The following OR2C1 variants were observed in gnomAD, a reference collection of about 807,000 sequenced individuals.
OR2C1 encodes olfactory receptor family 2 subfamily C member 1.
For synonymous variants in OR2C1, 209 were observed against 167.3 expected (o/e 1.25, Z -1.92); for missense variants, 468 against 388.3 (o/e 1.21, Z -1.73).
In OR2C1 at chr16:3,356,504, C is replaced by T. The variant is rs1258930221; in HGVS notation, c.564C>T (p.Ala188=). 3.1e-6 allele frequency: 5 copies of T among 1,614,156 alleles called. No individual in the cohort carries two copies. The highest frequency in any genetic ancestry group is 2.2e-5 in the South Asian group (2 of 91,082). Residue 188 remains alanine, a synonymous_variant, in exon 1 of 1, where the codon GCC becomes GCT. Transcript: ENST00000304936. ...LCEVPAMIKL[A]CGDTSLNQAV... is the part of the protein sequence containing the mutation. ...AGGTGCCTGCCATGATCAAACTGGC[C>T]TGTGGCGACACAAGTCTCAACCAGG...
the OR2C1 span, among the ~76,000 whole-genome samples, chr16:3,328,626 T>A: frequency 6.6e-6 from 1 of 152,180 alleles, no homozygotes; most frequent in Admixed American, 6.5e-5. Flanking sequence ...AGAAAATAAC[T>A]GGTGTAGGAA....
chr16:3,347,852 GCACACACGCGCA>G, the OR2C1 span, among the ~76,000 whole-genome samples: 3 of 8,908 alleles, frequency 3.4e-4, no homozygotes, highest in East Asian at 8.2e-3. Context: ...ACATGCACAC[GCACACACGCGCA>G]CACACACACG....
At chr16:3,340,680 C>T in the OR2C1 span, among the ~76,000 whole-genome samples, 1 of 152,102 alleles carries the variant, frequency 6.6e-6, no homozygotes, top group Non-Finnish European at 1.5e-5. Context: ...GTTGTCTCAG[C>T]AGCATTTATT....
the OR2C1 span, among the ~76,000 whole-genome samples, chr16:3,345,539 C>T: frequency 2.0e-5 from 3 of 151,580 alleles, no homozygotes; most frequent in African/African-American, 7.3e-5. Flanking sequence ...ATATGTTTTA[C>T]AAGGATACAC....
At chr16:3,330,754 T>A in the OR2C1 span, among the ~76,000 whole-genome samples, 1 of 152,158 alleles carries the variant, frequency 6.6e-6, no homozygotes, top group African/African-American at 2.4e-5. Context: ...TTTATTTTTA[T>A]TTTTTAGAGA....
At chr16:3,332,361 G>A in the OR2C1 span, among the ~76,000 whole-genome samples, 4 of 152,034 alleles carry the variant, frequency 2.6e-5, no homozygotes, top group South Asian at 2.1e-4. Flanking sequence ...CTCCCAAAGC[G>A]CTGGGATTAC....
the OR2C1 span, among the ~76,000 whole-genome samples, chr16:3,335,465 T>A: frequency 2.6e-5 from 4 of 151,894 alleles, no homozygotes; most frequent in African/African-American, 9.7e-5. Context: ...ATTGCTTTCT[T>A]TATTTCTTTT....
At chr16:3,327,527 G>T in the OR2C1 span, among the ~76,000 whole-genome samples, 1 of 151,550 alleles carries the variant, frequency 6.6e-6, no homozygotes, top group Non-Finnish European at 1.5e-5. Flanking sequence ...AGACCCTCTT[G>T]ACCTCCTCCC....
the OR2C1 span, among the ~76,000 whole-genome samples, chr16:3,331,005 A>G: frequency 1.3e-5 from 2 of 152,198 alleles, no homozygotes; most frequent in Admixed American, 1.3e-4. Context: ...TCCCACCAAT[A>G]GTGTAAAAGT....
chr16:3,345,312 G>A, the OR2C1 span, among the ~76,000 whole-genome samples: 2 of 151,692 alleles, frequency 1.3e-5, no homozygotes, highest in African/African-American at 2.4e-5. Flanking sequence ...GTGAAACCCC[G>A]TCTCTACTAA....
chr16:3,344,921 A>G, the OR2C1 span, among the ~76,000 whole-genome samples: 1 of 151,782 alleles, frequency 6.6e-6, no homozygotes, highest in African/African-American at 2.4e-5. Flanking sequence ...GACCAGGATG[A>G]GAGTCTATCA....
At chr16:3,337,579 T>A in the OR2C1 span, among the ~76,000 whole-genome samples, 6 of 152,196 alleles carry the variant, frequency 3.9e-5, no homozygotes, top group East Asian at 1.2e-3. Context: ...ATTTCCAAGA[T>A]TCCTGTTTGA....
At chr16:3,350,772 G>C in the OR2C1 span, among the ~76,000 whole-genome samples, 1 of 151,808 alleles carries the variant, frequency 6.6e-6, no homozygotes, top group Non-Finnish European at 1.5e-5. Context: ...CTCTGGAATG[G>C]TCCAGGAGAG....
At chr16:3,350,055 C>CTTTTTTTT in the OR2C1 span, among the ~76,000 whole-genome samples, 1 of 102,734 alleles carries the variant, frequency 9.7e-6, no homozygotes, top group Admixed American at 1.3e-4. Flanking sequence ...AAAAGGGAAT[C>CTTTTTTTT]TTTTTTTTTT....
the OR2C1 span, among the ~76,000 whole-genome samples, chr16:3,342,478 G>A: frequency 1.3e-5 from 2 of 152,148 alleles, no homozygotes; most frequent in African/African-American, 4.8e-5. Flanking sequence ...AGCACTTTGG[G>A]AGGCCAATGT....
At chr16:3,344,045 C>G in the OR2C1 span, among the ~76,000 whole-genome samples, 1 of 151,922 alleles carries the variant, frequency 6.6e-6, no homozygotes, top group Non-Finnish European at 1.5e-5. Flanking sequence ...ATGGCAAAAC[C>G]CCATCACTAC....
upstream of OR2C1, among the ~76,000 whole-genome samples, chr16:3,352,528 T>C (rs2030588482): frequency 6.6e-6 from 1 of 152,202 alleles, no homozygotes; most frequent in Non-Finnish European, 1.5e-5. Flanking sequence ...AGTAATAATT[T>C]ACATAAATTT....
chr16:3,323,750 G>A, the OR2C1 span: 2 of 689,926 alleles, frequency 2.9e-6, no homozygotes, highest in Admixed American at 2.2e-5. Flanking sequence ...CTGCCACCAG[G>A]AATTATGTAG....
rs1228348 is a variant in OR2C1, at chr16:3,355,994, A to T, written c.54A>T (p.Ser18=). The T allele has an allele frequency of 6.2e-7, 1 of 1,613,774 alleles. No individual in the cohort carries two copies. Among genetic ancestry groups the T allele is most frequent in the Non-Finnish European group, 8.5e-7 (1 of 1,179,874 alleles). The change falls in exon 1 of 1, where the codon TCA becomes TCT. Residue 18 remains serine (S), a synonymous_variant. Coordinates refer to ENST00000304936, the MANE Select transcript of OR2C1 (RefSeq NM_012368.3). ...AGGGCTTTGTTCTGATGGGCATATC[A>T]GACCATCCCCAGCTGGAGATGATCT... ...SLQGFVLMGI[S]DHPQLEMIFF...
Sources: gnomAD v4.1 joint callset for allele counts (sites outside exome capture counted in the v4.1 genomes callset) on GRCh38, gnomAD v4.1.1 for gene constraint, MANE v1.5 for transcripts, NCBI Gene and HGNC (gene_info 2026-07-23, HGNC 2026-07-21) for gene names.